The following MAP3K21 variants were observed in gnomAD, a reference collection of about 807,000 sequenced individuals.
MAP3K21 encodes the protein mitogen-activated protein kinase kinase kinase MLK4.
Under a neutral mutation model 86.1 loss-of-function variants are expected in MAP3K21, and 63 were observed. The ratio of observed to expected loss-of-function variants is 0.73; its 90% CI spans 0.60 to 0.90. MAP3K21 has a LOEUF of 0.90. MAP3K21 is among the 40% of genes least tolerant of loss of function. The probability of loss-of-function intolerance (pLI) is 0.00; values close to 1 mark genes in which losing one functional copy is unlikely to be tolerated. For missense variants in MAP3K21, 1,220 were observed against 1,367.7 expected, an observed-to-expected ratio of 0.89 and a Z score of 1.70; for synonymous variants, 558 against 564.8, an observed-to-expected ratio of 0.99 and a Z score of 0.17.
chr1:233,381,247 T>C, intron 9 of MAP3K21, among the ~76,000 whole-genome samples: 1 of 152,212 alleles, frequency 6.6e-6, no homozygotes, highest in East Asian at 1.9e-4. Context: ...AAACATTTTG[T>C]GCCTCAGTTT....
rs552603780 is a variant in MAP3K21 at position 233,361,188 on chromosome 1, A to G, written c.1312-865A>G. The stretch of plus-strand genomic sequence containing the variant: ...AAAACTTTGTAGAGTCCTCAGTTTT[A>G]CTGTTTAATAATTTTTCCTAATAGG... On this transcript the variant is annotated intron_variant, in intron 4 of 9. Coordinates refer to ENST00000366624, the MANE Select transcript of MAP3K21 (RefSeq NM_032435.3). 6.0e-4 allele frequency among the ~76,000 whole-genome samples: 92 copies of G among 152,352 alleles called. 2 individuals carry two copies. In the South Asian group the frequency reaches 0.017, roughly 28 times the overall value.
At chr1:233,371,723 A>G (rs1357223797) in intron 5 of MAP3K21, among the ~76,000 whole-genome samples, 3 of 150,054 alleles carry the variant, frequency 2.0e-5, no homozygotes, top group East Asian at 2.0e-4. Flanking sequence ...AAATTCTTCA[A>G]TGATTCGTGG....
intron 5 of MAP3K21, among the ~76,000 whole-genome samples, chr1:233,363,695 T>C (rs1419969553): frequency 2.1e-5 from 2 of 93,618 alleles, no homozygotes; most frequent in Non-Finnish European, 4.1e-5. Context: ...AGAGCGAAAC[T>C]CTGTCTCAAA....
intron 5 of MAP3K21, among the ~76,000 whole-genome samples, chr1:233,371,511 C>T (rs1663679376): frequency 6.6e-6 from 1 of 152,128 alleles, no homozygotes; most frequent in Non-Finnish European, 1.5e-5. Context: ...CAGATGTGTG[C>T]CACCATGCCG....
At chr1:233,332,323 G>A (rs1286519153) in intron 1 of MAP3K21, among the ~76,000 whole-genome samples, 1 of 152,060 alleles carries the variant, frequency 6.6e-6, no homozygotes, top group Non-Finnish European at 1.5e-5. Context: ...GGAGGATGGG[G>A]GTGCTGTTTC....
chr1:233,371,977 C>T, intron 5 of MAP3K21, 61 bp from the exon 6 acceptor site: 2 of 1,557,414 alleles, frequency 1.3e-6, no homozygotes, highest in African/African-American at 1.4e-5. Flanking sequence ...GTGCTAAATA[C>T]ATGGCTATGA....
At chr1:233,380,770 G>T (rs993880842) in intron 9 of MAP3K21, among the ~76,000 whole-genome samples, 1 of 152,156 alleles carries the variant, frequency 6.6e-6, no homozygotes, top group South Asian at 2.1e-4. Flanking sequence ...ATATGCAAGA[G>T]AATTCAAACT....
intron 5 of MAP3K21, among the ~76,000 whole-genome samples, chr1:233,370,805 T>G (rs1472475987): frequency 6.6e-6 from 1 of 152,244 alleles, no homozygotes; most frequent in Non-Finnish European, 1.5e-5. Flanking sequence ...GGTTGATGTC[T>G]AATATGGCAA....
intron 4 of MAP3K21, among the ~76,000 whole-genome samples, chr1:233,358,000 C>G (rs558312108): frequency 6.6e-6 from 1 of 151,984 alleles, no homozygotes; most frequent in East Asian, 1.9e-4. Flanking sequence ...TCCCTCACCC[C>G]CCACCAGGAA....
intron 1 of MAP3K21, among the ~76,000 whole-genome samples, chr1:233,336,182 C>A (rs998016481): frequency 1.3e-5 from 2 of 152,094 alleles, no homozygotes; most frequent in African/African-American, 4.8e-5. Context: ...TGCATTTTTT[C>A]CCTAATATTT....
chr1:233,382,448 C>A lies in MAP3K21; in HGVS notation c.2848C>A (p.Leu950Met). 6.2e-7 allele frequency: 1 copy of A among 1,614,154 alleles called. No homozygotes were observed. Among genetic ancestry groups the A allele is most frequent in the Non-Finnish European group, 8.5e-7 (1 of 1,180,022 alleles). The change falls in exon 10 of 10, where the codon CTG becomes ATG. Residue 950 changes from leucine (L) to methionine (M), a missense_variant. This residue lies in a region of MAP3K21 where 632 missense variants were observed against 691.3 expected (regional missense o/e 0.91). Coordinates refer to ENST00000366624, the MANE Select transcript of MAP3K21 (RefSeq NM_032435.3). ...CGTGCCTCAGCGTCGCCCTGCCTCC[C>A]TGAGAAGCCGCTCAGATCTGCCTCA... ...HIVPQRRPASLRSRSDLPQAY... is the reference protein window; with the variant it reads ...HIVPQRRPASMRSRSDLPQAY...
chr1:233,345,268 A>C (rs147577184), intron 1 of MAP3K21, among the ~76,000 whole-genome samples: 3,101 of 152,252 alleles, frequency 0.02, 107 homozygotes, highest in African/African-American at 0.07. Context: ...TGCTACTATA[A>C]AGACAAATGC....
Position 233,380,041 on chromosome 1 carries a change from T to G in MAP3K21, c.2704+331T>G, listed in dbSNP as rs377202773. Reference sequence around the variant, plus strand: ...TAGAACCACGGATGAGTGGGAGGGCTGGAACTGAAACTGGCCTCTCGCCTC... The same window carrying G: ...TAGAACCACGGATGAGTGGGAGGGCGGGAACTGAAACTGGCCTCTCGCCTC... On this transcript the variant is annotated intron_variant, in intron 9 of 9. Transcript: ENST00000366624. Among the ~76,000 whole-genome samples, 97 of 152,290 alleles carry G rather than the reference T, an allele frequency of 6.4e-4. 1 individual carries two copies. The South Asian group carries it at 0.02, about 31-fold the overall frequency.
chr1:233,328,629 G>A lies in MAP3K21; in HGVS notation c.601G>A (p.Glu201Lys). 6.8e-7 allele frequency: 1 copy of A among 1,460,946 alleles called. No individual in the cohort carries two copies. Among genetic ancestry groups the A allele is most frequent in the Non-Finnish European group, 9.0e-7 (1 of 1,109,748 alleles). The allele number at this position is 1,460,946 out of a possible 1,614,324, so 90.5% of individuals were successfully genotyped here. Reference protein sequence around the residue: ...LQQPHLCLVLEFARGGALNRA... With the variant: ...LQQPHLCLVLKFARGGALNRA... ...GCAGCCGCACCTCTGCCTGGTGCTG[G>A]AGTTCGCCCGCGGCGGAGCGCTCAA... Residue 201 changes from glutamate to lysine, a missense_variant, in exon 1 of 10, where the codon GAG becomes AAG. By Grantham distance (56) the Glu-to-Lys change is moderately conservative (BLOSUM62 1). Coordinates refer to ENST00000366624, the MANE Select transcript of MAP3K21 (RefSeq NM_032435.3). This position sits in a 1 kb window ranked among gnomAD's most constrained non-coding sequence, Gnocchi z 8.7.
At position 233,362,104 on chromosome 1, in the gene MAP3K21, T is replaced by C; in HGVS notation, c.1363T>C (p.Ser455Pro). The C allele has an allele frequency of 1.2e-6, 2 of 1,613,720 alleles. No individual in the cohort carries two copies. The highest frequency in any genetic ancestry group is 1.7e-6 in the Non-Finnish European group (2 of 1,179,848). ...ELTRAALQQK[S>P]QEELLKRREQ... ...GACTCGGGCGGCTCTGCAGCAGAAG[T>C]CTCAGGAGGAGCTGCTAAAGCGGCG... The change falls in exon 5 of 10, where the codon TCT (serine) becomes CCT (proline). Residue 455 changes from serine to proline, a missense_variant. By Grantham distance (74) the Ser-to-Pro change is moderately conservative. Transcript: ENST00000366624.
intron 1 of MAP3K21, among the ~76,000 whole-genome samples, chr1:233,341,833 G>A (rs576888839): frequency 1.3e-5 from 2 of 152,226 alleles, no homozygotes; most frequent in South Asian, 4.2e-4. Flanking sequence ...AGGAGATAAT[G>A]TGTATAAAAG....
intron 5 of MAP3K21, among the ~76,000 whole-genome samples, chr1:233,371,781 G>GTA (rs1478331343): frequency 6.8e-6 from 1 of 147,366 alleles, no homozygotes. Context: ...GTGTGTGTGT[G>GTA]TGTATGTGTG....
intron 1 of MAP3K21, among the ~76,000 whole-genome samples, chr1:233,329,428 C>T (rs905246073): frequency 7.9e-5 from 12 of 152,140 alleles, no homozygotes; most frequent in Non-Finnish European, 1.8e-4. Flanking sequence ...CCGAGGTGGG[C>T]GGATCACCTG....
chr1:233,339,240 CTT>C (rs1662972661), intron 1 of MAP3K21, among the ~76,000 whole-genome samples: 4 of 87,794 alleles, frequency 4.6e-5, no homozygotes, highest in African/African-American at 1.3e-4. Flanking sequence ...TCTTCTTCTT[CTT>C]CTTCTTCTTC....
Sources: gnomAD v4.1 joint callset for allele counts (sites outside exome capture counted in the v4.1 genomes callset) on GRCh38, gnomAD v4.1.1 for gene constraint, gnomAD v4.1.1 regional missense constraint, Gnocchi (gnomAD v3.1) non-coding constraint, MANE v1.5 for transcripts, NCBI Gene and HGNC (gene_info 2026-07-23, HGNC 2026-07-21) for gene names.